Variants in PPP2R2C observed in about 807,000 individuals in gnomAD.
The protein encoded by PPP2R2C is protein phosphatase 2 regulatory subunit Bgamma.
A neutral mutation model predicts 45.3 loss-of-function variants in PPP2R2C; 10 were observed. That is an observed-to-expected ratio of 0.22 (90% CI 0.14 to 0.37). The LOEUF (loss-of-function observed/expected upper bound fraction) is 0.37, where lower values mean the gene tolerates loss of function less well. PPP2R2C is among the 10% of genes least tolerant of loss of function. The probability of loss-of-function intolerance (pLI) is 1.00; values close to 1 mark genes in which losing one functional copy is unlikely to be tolerated. For missense variants in PPP2R2C, 308 were observed against 619.7 expected (o/e 0.50, Z 5.34); for synonymous variants, 257 against 245.4 (o/e 1.05, Z -0.44).
intron 2 of PPP2R2C, among the ~76,000 whole-genome samples, chr4:6,527,520 T>TATCATGAGAACACAGCCCCACTCCTCAAC (rs1553907004): frequency 6.7e-6 from 1 of 148,896 alleles, no homozygotes; most frequent in Admixed American, 6.7e-5. Context: ...GCCATGAGAA[T>TATCATGAGAACACAGCCCCACTCCTCAAC]ACCATGAGAA....
intron 1 of PPP2R2C, among the ~76,000 whole-genome samples, chr4:6,429,042 T>A (rs1719478257): frequency 6.6e-6 from 1 of 152,126 alleles, no homozygotes; most frequent in African/African-American, 2.4e-5. Flanking sequence ...TTGGCAACTC[T>A]GCACCTCTGC....
At chr4:6,351,829 G>A (rs1400017850) in intron 5 of PPP2R2C, among the ~76,000 whole-genome samples, 1 of 152,160 alleles carries the variant, frequency 6.6e-6, no homozygotes, top group Non-Finnish European at 1.5e-5. Flanking sequence ...GTGGGCACCG[G>A]GCTGGGTCCA....
At chr4:6,496,792 T>C (rs1240730315) in intron 2 of PPP2R2C, among the ~76,000 whole-genome samples, 1 of 151,820 alleles carries the variant, frequency 6.6e-6, no homozygotes, top group East Asian at 1.9e-4. Context: ...GCCCGGAAGG[T>C]GGAGGTTGCA....
intron 5 of PPP2R2C, among the ~76,000 whole-genome samples, chr4:6,363,854 G>A (rs1452269821): frequency 6.6e-6 from 1 of 152,176 alleles, no homozygotes; most frequent in Non-Finnish European, 1.5e-5. Flanking sequence ...TGTCCAGGAA[G>A]GTGAAGCAAA....
chr4:6,405,729 G>A (rs1323131061), intron 1 of PPP2R2C, among the ~76,000 whole-genome samples: 5 of 152,150 alleles, frequency 3.3e-5, no homozygotes, highest in South Asian at 2.1e-4. Context: ...ACAACATCAC[G>A]AAAACCTCAT....
chr4:6,529,706 A>G (rs1290781046), intron 2 of PPP2R2C, among the ~76,000 whole-genome samples: 1 of 152,226 alleles, frequency 6.6e-6, no homozygotes, highest in African/African-American at 2.4e-5. Flanking sequence ...CTCTCTGCCC[A>G]CTAGACCGTG....
rs150971402 is a variant in PPP2R2C, at chr4:6,536,503, C to T, written c.-58-1126G>A. 4.2e-3 allele frequency among the ~76,000 whole-genome samples: 644 copies of T among 152,324 alleles called. 3 individuals carry two copies. Among genetic ancestry groups the T allele is most frequent in the Non-Finnish European group, 6.7e-3 (456 of 68,024 alleles). ...GCAAGTGAAAAAAGGTGTGTCCACT[C>T]ATCATTTTAAAAGAATGTGAATTAA... On this transcript the variant is annotated intron_variant, in intron 1 of 9. Transcript: ENST00000506140.
Position 6,332,110 on chromosome 4 carries a change from A to G in PPP2R2C, c.960+1452T>C, listed in dbSNP as rs1472467759. 6.6e-6 allele frequency among the ~76,000 whole-genome samples: 1 copy of G among 152,246 alleles called. No individual in the cohort carries two copies. Among genetic ancestry groups the G allele is most frequent in the Non-Finnish European group, 1.5e-5 (1 of 68,044 alleles). On this transcript the variant is annotated intron_variant, in intron 7 of 8. Coordinates refer to ENST00000382599, the MANE Select transcript of PPP2R2C (RefSeq NM_020416.4). The surrounding 1 kb of genome is among the most constrained non-coding windows in gnomAD (Gnocchi z 4.9). ...TGTCCCCCTCCCCCTGAAAATGCTC[A>G]TAGAACACATTCCACGTAGTTTCAG...
chr4:6,384,713 T>C (rs1716097565), intron 1 of PPP2R2C: 1 of 985,322 alleles, frequency 1.0e-6, no homozygotes, highest in Admixed American at 6.1e-5. Context: ...CTGTGGGCAA[T>C]TTACAATTTA....
intron 1 of PPP2R2C, among the ~76,000 whole-genome samples, chr4:6,462,061 C>T (rs987620689): frequency 6.6e-6 from 1 of 152,246 alleles, no homozygotes; most frequent in African/African-American, 2.4e-5. Flanking sequence ...CAAGATCACT[C>T]AGCCAGGGAG....
rs556409946 is a variant in PPP2R2C at position 6,333,415 on chromosome 4, T to C, written c.960+147A>G. The C allele has an allele frequency of 8.9e-6, 8 of 895,786 alleles. No homozygotes were observed. The Admixed American group carries it at 2.3e-4, about 26-fold the overall frequency. The allele number at this position is 895,786 out of a possible 1,614,324, so 55.5% of individuals were successfully genotyped here. A position where few individuals can be genotyped will look rare whatever the true frequency, so the allele number is the denominator to read the frequency against. On this transcript the variant is annotated intron_variant, in intron 7 of 8. Coordinates refer to ENST00000382599, the MANE Select transcript of PPP2R2C (RefSeq NM_020416.4). ...CCCTCTGCCAAGCTACGTGTGGGGA[T>C]GAGTTGCTGGATTTCTTCAGCCTCC...
intron 1 of PPP2R2C, among the ~76,000 whole-genome samples, chr4:6,446,856 T>G (rs184621949): frequency 8.0e-4 from 121 of 151,054 alleles, no homozygotes; most frequent in African/African-American, 2.7e-3. Context: ...CAGAATTCTT[T>G]TATAAAGCAA....
chr4:6,429,889 G>A (rs1035676082), intron 1 of PPP2R2C, among the ~76,000 whole-genome samples: 6 of 152,050 alleles, frequency 3.9e-5, no homozygotes, highest in Non-Finnish European at 4.4e-5. Context: ...CACAGCATCC[G>A]AGAGGGTCTG....
Position 6,329,014 on chromosome 4 carries a change from C to T in PPP2R2C, c.1052+248G>A, listed in dbSNP as rs937965189. On this transcript the variant is annotated intron_variant, in intron 8 of 8. Coordinates refer to ENST00000382599, the MANE Select transcript of PPP2R2C (RefSeq NM_020416.4). This position sits in a 1 kb window ranked among gnomAD's most constrained non-coding sequence, Gnocchi z 5.8. ...TAACTAAACATGTTCCCACTACTGC[C>T]CATAGGGCAGGCGCCAACGTGGCTG... 3.9e-5 allele frequency among the ~76,000 whole-genome samples: 6 copies of T among 152,218 alleles called. No individual in the cohort carries two copies. Among genetic ancestry groups the T allele is most frequent in the Admixed American group, 3.9e-4 (6 of 15,290 alleles).
In PPP2R2C at chr4:6,413,591, A is replaced by C. The variant is rs922086003; in HGVS notation, c.71-32497T>G. On this transcript the variant is annotated intron_variant, in intron 1 of 8. Transcript: ENST00000382599. ...GGATGTTTGTCCTGGTGCAGTTATC[A>C]GAGCAAGACCCGACCCTGCTGTGAG... Among the ~76,000 whole-genome samples the C allele has an allele frequency of 6.6e-5, 10 of 152,318 alleles. No homozygotes were observed. In the East Asian group the frequency reaches 9.7e-4, roughly 15 times the overall value.
intron 5 of PPP2R2C, among the ~76,000 whole-genome samples, chr4:6,354,612 C>G (rs73795994): frequency 1.6e-3 from 242 of 152,022 alleles, no homozygotes; most frequent in African/African-American, 5.5e-3. Context: ...TGGGAACAGC[C>G]CTTCCAATTT....
At chr4:6,439,632 T>C (rs907107916) in intron 1 of PPP2R2C, among the ~76,000 whole-genome samples, 2 of 152,104 alleles carry the variant, frequency 1.3e-5, no homozygotes, top group Non-Finnish European at 2.9e-5. Flanking sequence ...TCTCCTCTGC[T>C]CTTCTGCCTC....
intron 1 of PPP2R2C, among the ~76,000 whole-genome samples, chr4:6,450,623 G>A (rs1293837467): frequency 6.6e-6 from 1 of 152,182 alleles, no homozygotes; most frequent in Non-Finnish European, 1.5e-5. Context: ...CACCCACCCA[G>A]GCAGCTGCCT....
chr4:6,492,264 G>C (rs59397240), intron 2 of PPP2R2C, among the ~76,000 whole-genome samples: 2,490 of 152,274 alleles, frequency 0.016, 68 homozygotes, highest in African/African-American at 0.057. Flanking sequence ...GCCAGAGAAG[G>C]TATCACCACC....
Sources: gnomAD v4.1 joint callset for allele counts (sites outside exome capture counted in the v4.1 genomes callset) on GRCh38, gnomAD v4.1.1 for gene constraint, Gnocchi (gnomAD v3.1) non-coding constraint, MANE v1.5 for transcripts, NCBI Gene and HGNC (gene_info 2026-07-23, HGNC 2026-07-21) for gene names.